TMEM217B: variants seen among roughly 807,000 people sequenced by gnomAD.
The protein encoded by TMEM217B is transmembrane protein 217B.
At chr6:37,256,048 AG>A in the TMEM217B span, among the ~76,000 whole-genome samples, 1 of 152,364 alleles carries the variant, frequency 6.6e-6, no homozygotes, top group Admixed American at 6.5e-5. Flanking sequence ...AGATATGTCT[AG>A]ATACACAAAT....
chr6:37,219,048 A>C, the TMEM217B span: 1 of 1,605,152 alleles, frequency 6.2e-7, no homozygotes, highest in East Asian at 2.2e-5. Context: ...CCTCCTGTGA[A>C]GACAAACAAC....
chr6:37,233,778 G>A, the TMEM217B span, among the ~76,000 whole-genome samples: 84 of 152,206 alleles, frequency 5.5e-4, no homozygotes, highest in Non-Finnish European at 2.4e-4. Context: ...AACTAACGAA[G>A]TTACTAACTA....
chr6:37,238,615 A>G, the TMEM217B span, among the ~76,000 whole-genome samples: 11 of 152,318 alleles, frequency 7.2e-5, no homozygotes, highest in South Asian at 2.3e-3. Context: ...GTAAGAGAAG[A>G]TGATGTGGCT....
the TMEM217B span, among the ~76,000 whole-genome samples, chr6:37,229,916 G>T: frequency 2.6e-5 from 4 of 152,194 alleles, no homozygotes; most frequent in African/African-American, 7.2e-5. Context: ...GGTTTCACAA[G>T]GTAGAAATGG....
the TMEM217B span, among the ~76,000 whole-genome samples, chr6:37,224,012 C>A: frequency 6.6e-6 from 1 of 151,290 alleles, no homozygotes; most frequent in South Asian, 2.1e-4. Flanking sequence ...TCTCAGCTCA[C>A]TGCAACCTCC....
chr6:37,229,680 T>G, the TMEM217B span, among the ~76,000 whole-genome samples: 11 of 152,334 alleles, frequency 7.2e-5, 1 homozygote, highest in African/African-American at 2.6e-4. Context: ...TTCGTTAGAT[T>G]CATTTTATTA....
the TMEM217B span, among the ~76,000 whole-genome samples, chr6:37,255,729 C>T: frequency 6.7e-5 from 10 of 149,902 alleles, no homozygotes; most frequent in Non-Finnish European, 1.5e-4. Context: ...GGGGAATGGA[C>T]TCTAAGGGGC....
At chr6:37,252,637 A>ATTTTTTT in the TMEM217B span, among the ~76,000 whole-genome samples, 3 of 71,358 alleles carry the variant, frequency 4.2e-5, no homozygotes, top group African/African-American at 1.0e-4. Flanking sequence ...ATATATATAT[A>ATTTTTTT]TTTTTTTTTT....
chr6:37,215,570 C>CAAAAAAA, the TMEM217B span, among the ~76,000 whole-genome samples: 577 of 72,372 alleles, frequency 8.0e-3, 6 homozygotes, highest in Middle Eastern at 0.014. Flanking sequence ...GACTCTGTCT[C>CAAAAAAA]AAAAAAAAAA....
At chr6:37,247,805 T>A in the TMEM217B span, among the ~76,000 whole-genome samples, 4 of 152,178 alleles carry the variant, frequency 2.6e-5, no homozygotes, top group Non-Finnish European at 5.9e-5. Context: ...GTTTACCAAC[T>A]CCTGAGAGTC....
chr6:37,257,689 C>T, the TMEM217B span: 8 of 544,126 alleles, frequency 1.5e-5, no homozygotes, highest in Non-Finnish European at 2.6e-5. Context: ...CAGCGGCCTG[C>T]AGGATTCCGG....
At chr6:37,234,254 C>A in the TMEM217B span, among the ~76,000 whole-genome samples, 7 of 152,116 alleles carry the variant, frequency 4.6e-5, no homozygotes, top group Non-Finnish European at 1.0e-4. Flanking sequence ...CATGCGCCAC[C>A]ACACCCAGCT....
chr6:37,250,084 G>A, the TMEM217B span, among the ~76,000 whole-genome samples: 3 of 152,202 alleles, frequency 2.0e-5, no homozygotes, highest in Non-Finnish European at 4.4e-5. Flanking sequence ...GTGAACTGTA[G>A]CTGTACTCAT....
chr6:37,233,051 C>T, the TMEM217B span, among the ~76,000 whole-genome samples: 3 of 152,212 alleles, frequency 2.0e-5, no homozygotes, highest in African/African-American at 7.2e-5. Context: ...CCAATCCAAT[C>T]TGGTCTTCAG....
the TMEM217B span, among the ~76,000 whole-genome samples, chr6:37,249,001 A>G: frequency 6.6e-6 from 1 of 152,092 alleles, no homozygotes; most frequent in African/African-American, 2.4e-5. Flanking sequence ...CATCACTCCA[A>G]TCTGCCTCTG....
the TMEM217B span, among the ~76,000 whole-genome samples, chr6:37,228,431 T>TA: frequency 2.6e-5 from 4 of 152,174 alleles, no homozygotes; most frequent in African/African-American, 9.7e-5. Flanking sequence ...AGGCCAGGCG[T>TA]GATGGCTCAC....
the TMEM217B span, chr6:37,258,136 C>T: frequency 3.8e-6 from 3 of 781,032 alleles, no homozygotes; most frequent in African/African-American, 5.4e-5. Flanking sequence ...GCGAAGCGAA[C>T]AGCGAGCTTT....
chr6:37,221,471 G>A, the TMEM217B span, among the ~76,000 whole-genome samples: 2 of 152,122 alleles, frequency 1.3e-5, no homozygotes, highest in African/African-American at 2.4e-5. Context: ...ACAGGGGTGA[G>A]CCACCCCACC....
At chr6:37,229,638 G>A in the TMEM217B span, among the ~76,000 whole-genome samples, 1 of 152,066 alleles carries the variant, frequency 6.6e-6, no homozygotes, top group African/African-American at 2.4e-5. Flanking sequence ...CACCGCGCCG[G>A]CCAATGTGCA....
Sources: gnomAD v4.1 joint callset for allele counts (sites outside exome capture counted in the v4.1 genomes callset) on GRCh38, gnomAD v4.1.1 for gene constraint, MANE v1.5 for transcripts, NCBI Gene and HGNC (gene_info 2026-07-23, HGNC 2026-07-21) for gene names.